The following DMC1 variants were observed in gnomAD, a reference collection of about 807,000 sequenced individuals.
The protein encoded by DMC1 is meiotic recombination protein DMC1 homolog.
In DMC1, 27 loss-of-function variants were observed where a neutral mutation model predicts 50.1. The observed-to-expected ratio is 0.54, with a 90% confidence interval of 0.40 to 0.74. The LOEUF is 0.74. Among genes scored for constraint, DMC1 ranks in the 30% least tolerant of loss-of-function variants. The pLI is 0.00. For synonymous variants in DMC1, 148 were observed against 136.1 expected (o/e 1.09, Z -0.61); for missense variants, 295 against 420.2 (o/e 0.70, Z 2.60).
At chr22:38,558,254 G>A (rs2090489652) in intron 5 of DMC1, among the ~76,000 whole-genome samples, 1 of 151,458 alleles carries the variant, frequency 6.6e-6, no homozygotes, top group South Asian at 2.1e-4. Context: ...AACAAATAAA[G>A]TTCTTAAAGA....
intron 5 of DMC1, among the ~76,000 whole-genome samples, chr22:38,560,828 T>C (rs961464745): frequency 6.6e-6 from 1 of 152,298 alleles, no homozygotes; most frequent in African/African-American, 2.4e-5. Context: ...TAAATCTTTT[T>C]TCATATAGAC....
At chr22:38,560,496 CT>C (rs1239709312) in intron 5 of DMC1, among the ~76,000 whole-genome samples, 7 of 150,728 alleles carry the variant, frequency 4.6e-5, no homozygotes, top group Non-Finnish European at 7.4e-5. Flanking sequence ...CATTCTGGCT[CT>C]TTAGTGAATT....
chr22:38,533,971 A>C (rs1263753271), intron 12 of DMC1, among the ~76,000 whole-genome samples: 1 of 152,236 alleles, frequency 6.6e-6, no homozygotes, highest in Admixed American at 6.5e-5. Flanking sequence ...TAACATTTTA[A>C]GTAATGAAGA....
Position 38,552,710 on chromosome 22 carries a change from G to T in DMC1, c.380-3C>A. 1 of 1,576,094 alleles carries T rather than the reference G, an allele frequency of 6.3e-7. No individual in the cohort carries two copies. Among genetic ancestry groups the T allele is most frequent in the Non-Finnish European group, 8.7e-7 (1 of 1,146,036 alleles). On this transcript the variant is annotated splice_polypyrimidine_tract_variant and splice_region_variant and intron_variant, in intron 6 of 13. Transcript: ENST00000216024. The stretch of plus-strand genomic sequence containing the variant: ...CTGGGTTTTTCCAGTACGAAATTCT[G>T]TGAAATACAGAAAAAAATGATTTTA...
chr22:38,569,384 T>C (rs985891106), intron 1 of DMC1: 1 of 151,968 alleles, frequency 6.6e-6, no homozygotes, highest in Admixed American at 6.6e-5. Flanking sequence ...AAGTCAGGGG[T>C]TGGACCCTAG....
intron 12 of DMC1, among the ~76,000 whole-genome samples, chr22:38,526,307 C>T (rs1459532290): frequency 6.6e-6 from 1 of 151,922 alleles, no homozygotes; most frequent in Non-Finnish European, 1.5e-5. Context: ...CGGGTTCAAG[C>T]GATTCTCCTA....
intron 11 of DMC1, 131 bp downstream of exon 11, chr22:38,538,164 A>G: frequency 1.3e-6 from 1 of 746,774 alleles, no homozygotes; most frequent in Non-Finnish European, 2.2e-6. Context: ...AAAAAAACAA[A>G]GAGTTGTATT....
At chr22:38,531,388 G>T (rs1169867293) in intron 12 of DMC1, among the ~76,000 whole-genome samples, 1 of 151,974 alleles carries the variant, frequency 6.6e-6, no homozygotes, top group Non-Finnish European at 1.5e-5. Context: ...TTAATAAGAT[G>T]TGCAATCAAG....
intron 1 of DMC1, chr22:38,568,520 A>T (rs897193252): frequency 3.8e-6 from 2 of 521,402 alleles, no homozygotes; most frequent in Non-Finnish European, 3.4e-6. Context: ...TGAGGGGCAA[A>T]TTGGGGGGTG....
intron 8 of DMC1, among the ~76,000 whole-genome samples, chr22:38,539,922 C>G (rs4820335): frequency 0.41 from 62,788 of 151,994 alleles, 13,492 homozygotes; most frequent in African/African-American, 0.53. Flanking sequence ...ACCCCTCATT[C>G]CTCAATATGA....
chr22:38,531,569 C>A (rs2090152020), intron 12 of DMC1, among the ~76,000 whole-genome samples: 1 of 151,992 alleles, frequency 6.6e-6, no homozygotes, highest in Non-Finnish European at 1.5e-5. Flanking sequence ...ATTTAAAATC[C>A]TTTAGTTTAA....
At chr22:38,568,122 C>G in intron 2 of DMC1, 84 bp downstream of exon 2, 1 of 1,232,236 alleles carries the variant, frequency 8.1e-7, no homozygotes, top group Non-Finnish European at 1.2e-6. Context: ...CTTTCAGCTT[C>G]TAAAAATAGT....
At chr22:38,559,429 G>A (rs1445499884) in intron 5 of DMC1, among the ~76,000 whole-genome samples, 5 of 151,804 alleles carry the variant, frequency 3.3e-5, no homozygotes, top group African/African-American at 1.2e-4. Flanking sequence ...TTGGCCTCCC[G>A]AAGTGCTGTG....
At chr22:38,513,920 G>A in the DMC1 span, among the ~76,000 whole-genome samples, 2 of 152,218 alleles carry the variant, frequency 1.3e-5, no homozygotes, top group Non-Finnish European at 2.9e-5. Flanking sequence ...TTTCTAACTT[G>A]ATGCATCCCA....
At chr22:38,539,527 G>C in intron 8 of DMC1, 115 bp from the exon 9 acceptor site, 5 of 825,706 alleles carry the variant, frequency 6.1e-6, no homozygotes, top group Non-Finnish European at 1.0e-5. Flanking sequence ...ATGTACCTGT[G>C]AAGGTATTCT....
chr22:38,526,346 A>C (rs1235974140), intron 12 of DMC1, among the ~76,000 whole-genome samples: 2 of 152,006 alleles, frequency 1.3e-5, no homozygotes, highest in Non-Finnish European at 2.9e-5. Context: ...CTAGTAGTAG[A>C]TTACAGGTAC....
chr22:38,512,581 A>G, the DMC1 span, among the ~76,000 whole-genome samples: 1 of 152,164 alleles, frequency 6.6e-6, no homozygotes, highest in African/African-American at 2.4e-5. Context: ...TCCCTCTCAA[A>G]ATATTGAAGC....
rs1232252631 is a variant in DMC1, at chr22:38,568,203, T to C, written c.51+3A>G. ...TATATATCTTTCAACATTTTAGTCA[T>C]ACCTCTTCATCTTGGAATCCTGGTT... On this transcript the variant is annotated splice_donor_region_variant and intron_variant, in intron 2 of 13. Coordinates refer to ENST00000216024, the MANE Select transcript of DMC1 (RefSeq NM_007068.4). 1.2e-6 allele frequency: 2 copies of C among 1,613,768 alleles called. No individual in the cohort carries two copies. Among genetic ancestry groups the C allele is most frequent in the African/African-American group, 2.7e-5 (2 of 74,944 alleles).
At chr22:38,564,586 C>T (rs140664383) in intron 4 of DMC1, among the ~76,000 whole-genome samples, 248 of 152,304 alleles carry the variant, frequency 1.6e-3, no homozygotes, top group Middle Eastern at 6.8e-3. Context: ...GCTGGGATTA[C>T]AGGCGTAAGC....
Sources: allele counts gnomAD v4.1 joint callset (sites outside exome capture counted in the v4.1 genomes callset), GRCh38; gene constraint gnomAD v4.1.1; transcripts MANE v1.5; gene names NCBI Gene and HGNC (gene_info 2026-07-23, HGNC 2026-07-21).